Variants in SOX5 observed in about 807,000 individuals in gnomAD.
SOX5 encodes SRY-box transcription factor 5, also known as transcription factor SOX-5.
Under a neutral mutation model 92.0 loss-of-function variants are expected in SOX5, and 9 were observed. That is an observed-to-expected ratio of 0.10 (90% confidence interval 0.06 to 0.17). SOX5 has a LOEUF of 0.17. Ranked by LOEUF, SOX5 falls within the 10% of genes least tolerant of loss-of-function variation. The probability of loss-of-function intolerance (pLI) is 1.00; values close to 1 mark genes in which losing one functional copy is unlikely to be tolerated. For synonymous variants in SOX5, 344 were observed against 336.3 expected (o/e 1.02, Z -0.25); for missense variants, 642 against 944.5 (o/e 0.68, Z 4.20).
At chr12:23,907,100 G>T (rs548472592) in intron 1 of SOX5, among the ~76,000 whole-genome samples, 1 of 152,170 alleles carries the variant, frequency 6.6e-6, no homozygotes, top group East Asian at 1.9e-4. Context: ...CATTTCTATT[G>T]TTCTATCGTT....
intron 9 of SOX5, among the ~76,000 whole-genome samples, chr12:23,599,442 GC>G (rs565141256): frequency 6.6e-5 from 10 of 152,220 alleles, no homozygotes; most frequent in Non-Finnish European, 1.5e-4. Context: ...GTGTGCTCTT[GC>G]CATTGATAGA....
In SOX5 at chr12:23,949,588, G is replaced by A. The variant is rs2139799999; in HGVS notation, c.14C>T (p.Pro5Leu). 7 of 1,613,652 alleles carry A rather than the reference G, an allele frequency of 4.3e-6. No individual in the cohort carries two copies. Among genetic ancestry groups the A allele is most frequent in the Non-Finnish European group, 5.9e-6 (7 of 1,179,598 alleles). Residue 5 changes from proline to leucine, a missense_variant, in exon 1 of 15, where the codon CCT becomes CTT. Around this residue, in one of 8 missense-constraint regions of SOX5, gnomAD observed 113 missense variants for 117.7 expected, o/e 0.96. Coordinates refer to ENST00000451604, the MANE Select transcript of SOX5 (RefSeq NM_006940.6). ...CCTTTCAAACTCCTGAGGTAAATCA[G>A]GGTCAGTAAGCATGCTGGAAAAGCA... is the stretch of plus-strand genomic sequence containing the variant. MLTD[P>L]DLPQEFERMS...
chr12:24,542,374 C>T (rs1476690409), intron 1 of SOX5, among the ~76,000 whole-genome samples: 1 of 152,234 alleles, frequency 6.6e-6, no homozygotes, highest in African/African-American at 2.4e-5. Flanking sequence ...CAGAATAAAA[C>T]AGGCTACTCT....
At chr12:23,577,191 A>ATATTTTTT (rs71059907) in intron 9 of SOX5, among the ~76,000 whole-genome samples, 2,653 of 60,984 alleles carry the variant, frequency 0.044, 171 homozygotes, top group Non-Finnish European at 0.064. Context: ...ATATATATAT[A>ATATTTTTT]TTTTTTTTTT....
intron 4 of SOX5, among the ~76,000 whole-genome samples, chr12:24,069,460 G>A (rs1216928799): frequency 6.6e-6 from 1 of 152,190 alleles, no homozygotes. Flanking sequence ...TAATTTTAAA[G>A]ATATATCATT....
At chr12:23,838,066 ATATTATATT>A (rs1179484982) in intron 3 of SOX5, among the ~76,000 whole-genome samples, 4 of 130,784 alleles carry the variant, frequency 3.1e-5, no homozygotes, top group East Asian at 2.2e-4. Flanking sequence ...ATACTTATAT[ATATTATATT>A]TATATTTATA....
chr12:24,328,245 C>G (rs748902029), intron 2 of SOX5, among the ~76,000 whole-genome samples: 3 of 152,200 alleles, frequency 2.0e-5, no homozygotes, highest in Non-Finnish European at 4.4e-5. Flanking sequence ...CTCCTCTCAA[C>G]GTCTATATTT....
At chr12:24,065,493 G>A (rs867825366) in intron 4 of SOX5, among the ~76,000 whole-genome samples, 23 of 151,338 alleles carry the variant, frequency 1.5e-4, no homozygotes, top group Admixed American at 1.4e-3. Flanking sequence ...CTAAAAATAC[G>A]AAAATTAGCC....
At chr12:24,467,364 C>T (rs565090114) in intron 1 of SOX5, among the ~76,000 whole-genome samples, 3 of 152,212 alleles carry the variant, frequency 2.0e-5, no homozygotes, top group South Asian at 2.1e-4. Flanking sequence ...ATTCAGTGCA[C>T]GTTACAATGG....
chr12:23,810,651 T>C (rs983471630), intron 3 of SOX5, among the ~76,000 whole-genome samples: 5 of 152,154 alleles, frequency 3.3e-5, no homozygotes, highest in African/African-American at 1.2e-4. Flanking sequence ...CAGAGGAGAA[T>C]GTCACCTTTT....
intron 11 of SOX5, among the ~76,000 whole-genome samples, chr12:23,548,752 G>T (rs1251978229): frequency 6.6e-6 from 1 of 151,980 alleles, no homozygotes; most frequent in Non-Finnish European, 1.5e-5. Flanking sequence ...TATGACAACT[G>T]ATCCTATAAA....
chr12:23,717,692 T>C (rs2092586412), intron 6 of SOX5, among the ~76,000 whole-genome samples: 1 of 152,204 alleles, frequency 6.6e-6, no homozygotes, highest in Admixed American at 6.5e-5. Context: ...CACTGATATT[T>C]AGTACGGCTT....
At chr12:24,006,205 A>G (rs911436901) in intron 4 of SOX5, among the ~76,000 whole-genome samples, 11 of 152,194 alleles carry the variant, frequency 7.2e-5, no homozygotes, top group Non-Finnish European at 1.6e-4. Context: ...TTTCATCAGG[A>G]TAGTAGAACA....
intron 3 of SOX5, among the ~76,000 whole-genome samples, chr12:23,766,918 G>A (rs1187883011): frequency 6.6e-6 from 1 of 152,070 alleles, no homozygotes; most frequent in Non-Finnish European, 1.5e-5. Flanking sequence ...TTAAATAAGG[G>A]ATTATAAATC....
intron 4 of SOX5, among the ~76,000 whole-genome samples, chr12:24,067,359 T>G (rs1387234601): frequency 6.6e-6 from 1 of 152,136 alleles, no homozygotes; most frequent in Admixed American, 6.5e-5. Context: ...ACAGCATTAG[T>G]ACCAAGGGTT....
chr12:23,622,526 T>C (rs1747365860), intron 8 of SOX5, among the ~76,000 whole-genome samples: 1 of 101,338 alleles, frequency 9.9e-6, no homozygotes, highest in African/African-American at 4.3e-5. Flanking sequence ...ATAAAAAGGG[T>C]GATTTTTTTA....
intron 9 of SOX5, among the ~76,000 whole-genome samples, chr12:23,582,648 G>A (rs1316004933): frequency 2.6e-5 from 4 of 152,024 alleles, no homozygotes; most frequent in African/African-American, 9.7e-5. Flanking sequence ...TGATAGGTAT[G>A]CTTTTGCTGT....
intron 4 of SOX5, among the ~76,000 whole-genome samples, chr12:24,083,232 T>A (rs1943578246): frequency 6.6e-6 from 1 of 151,978 alleles, no homozygotes; most frequent in Admixed American, 6.6e-5. Flanking sequence ...GTAAGCAAAT[T>A]AAAGGACCTC....
chr12:23,952,401 G>C (rs1422454639), upstream of SOX5, among the ~76,000 whole-genome samples: 1 of 152,160 alleles, frequency 6.6e-6, no homozygotes. Flanking sequence ...GTAAGAAAGA[G>C]TATGAGTGTT....
Sources: allele counts gnomAD v4.1 joint callset (sites outside exome capture counted in the v4.1 genomes callset), GRCh38; gene constraint gnomAD v4.1.1; regional missense constraint gnomAD v4.1.1; transcripts MANE v1.5; gene names NCBI Gene and HGNC (gene_info 2026-07-23, HGNC 2026-07-21).